The following DRC7 variants were observed in gnomAD, a reference collection of about 807,000 sequenced individuals.
DRC7 encodes dynein regulatory complex subunit 7.
A neutral mutation model predicts 104.4 loss-of-function variants in DRC7; 80 were observed. That is an observed-to-expected ratio of 0.77 (90% CI 0.64 to 0.92). The LOEUF (loss-of-function observed/expected upper bound fraction) is 0.92, where lower values mean the gene tolerates loss of function less well. DRC7 is among the 40% of genes least tolerant of loss of function. DRC7 has a pLI of 0.00. For missense variants in DRC7, 1,034 were observed against 1,141.1 expected (o/e 0.91, Z 1.35); for synonymous variants, 405 against 447.3 (o/e 0.91, Z 1.19).
In DRC7 at chr16:57,731,652, A is replaced by T; in HGVS notation, c.*394A>T. ...AAACAACTGGTTATATCTCAATGTG[A>T]CTAGGGTGGCCCACCTCACCAAGTG... On this transcript the variant is annotated 3_prime_UTR_variant, in exon 19 of 19. Transcript: ENST00000360716. 4.8e-6 allele frequency: 1 copy of T among 207,324 alleles called. No homozygotes were observed. Among genetic ancestry groups the T allele is most frequent in the Non-Finnish European group, 9.8e-6 (1 of 102,480 alleles). 12.8% of individuals were successfully genotyped at this position (207,324 alleles called of 1,614,324 possible).
intron 13 of DRC7, 147 bp downstream of exon 13, chr16:57,724,982 A>G: frequency 1.6e-6 from 1 of 628,942 alleles, no homozygotes; most frequent in Non-Finnish European, 2.8e-6. Flanking sequence ...CATTTTACCA[A>G]ATGTATTAGT....
intron 5 of DRC7, among the ~76,000 whole-genome samples, chr16:57,700,667 A>AT (rs2048648227): frequency 6.6e-6 from 1 of 151,562 alleles, no homozygotes; most frequent in Non-Finnish European, 1.5e-5. Flanking sequence ...AAAAAAAAAA[A>AT]AAAAAAAAAG....
intron 6 of DRC7, among the ~76,000 whole-genome samples, chr16:57,703,860 G>T (rs1483238170): frequency 2.0e-5 from 3 of 151,456 alleles, no homozygotes; most frequent in Admixed American, 2.0e-4. Context: ...CCAGCTACTC[G>T]GGAGGCTGAG....
intron 18 of DRC7, 33 bp downstream of exon 18, chr16:57,731,103 T>C: frequency 6.2e-7 from 1 of 1,613,670 alleles, no homozygotes; most frequent in Non-Finnish European, 8.5e-7. Flanking sequence ...GAGAACCCAC[T>C]GGGAGGCTGG....
chr16:57,698,243 G>A (rs2048618533), intron 3 of DRC7, 91 bp downstream of exon 3: 6 of 1,570,888 alleles, frequency 3.8e-6, no homozygotes, highest in East Asian at 2.2e-5. Context: ...GGTCTGGTAG[G>A]GTGACCAGGA....
chr16:57,728,041 C>T (rs770401309), intron 16 of DRC7, among the ~76,000 whole-genome samples: 1 of 152,190 alleles, frequency 6.6e-6, no homozygotes, highest in African/African-American at 2.4e-5. Context: ...TAACTAACAT[C>T]GTTAATAACC....
chr16:57,729,846 A>G (rs1483629272), intron 17 of DRC7, among the ~76,000 whole-genome samples: 1 of 124,838 alleles, frequency 8.0e-6, no homozygotes, highest in African/African-American at 3.1e-5. Flanking sequence ...GGGTGGATGG[A>G]CGAATGGATG....
At position 57,698,136 on chromosome 16, in the gene DRC7, G is replaced by C. The variant is rs2048617061; in HGVS notation, c.187G>C (p.Val63Leu). The C allele has an allele frequency of 1.2e-6, 2 of 1,614,134 alleles. No individual in the cohort carries two copies. The highest frequency in any genetic ancestry group is 1.7e-6 in the Non-Finnish European group (2 of 1,180,028). ...EKKLSEIQIT[V>L]SAELPAFTKD... ...GAAGCTGTCAGAGATCCAGATCACT[G>C]TCTCAGCGGAGCTCCCGTGAGTGTG... The change falls in exon 3 of 19, where the codon GTC (valine) becomes CTC (leucine). Residue 63 changes from valine (V) to leucine (L), a missense_variant. By Grantham distance (32) the Val-to-Leu change is conservative. Transcript: ENST00000360716.
At position 57,704,890 on chromosome 16, in the gene DRC7, G is replaced by A; in HGVS notation, c.714G>A (p.Glu238=). Residue 238 remains glutamate (E), a synonymous_variant, in exon 7 of 19, where the codon GAG becomes GAA. Transcript: ENST00000360716. The part of the protein sequence containing the change: ...TVKPKETIKK[E]EKVLPKKYTI... ...TTGGGTGACAGACCATCAAGAAGGAGGAAAAGGTGCTGCCTAAGAAGTATA... is the reference window on the plus strand; with the variant it reads ...TTGGGTGACAGACCATCAAGAAGGAAGAAAAGGTGCTGCCTAAGAAGTATA... 6.2e-7 allele frequency: 1 copy of A among 1,613,580 alleles called. No homozygotes were observed. The highest frequency in any genetic ancestry group is 1.1e-5 in the South Asian group (1 of 91,072).
intron 17 of DRC7, among the ~76,000 whole-genome samples, 165 bp downstream of exon 17, chr16:57,728,749 A>C (rs1341738874): frequency 8.0e-6 from 1 of 124,794 alleles, no homozygotes; most frequent in East Asian, 2.8e-4. Context: ...TCCTCCTCAC[A>C]CTTGTTTATC....
At chr16:57,723,368 G>A (rs1203421852) in intron 12 of DRC7, among the ~76,000 whole-genome samples, 3 of 152,166 alleles carry the variant, frequency 2.0e-5, no homozygotes, top group Admixed American at 6.5e-5. Context: ...TAAAGGGGGC[G>A]CCACATACCC....
chr16:57,711,542 A>C (rs1037644087), intron 8 of DRC7, among the ~76,000 whole-genome samples: 1 of 152,274 alleles, frequency 6.6e-6, no homozygotes, highest in Non-Finnish European at 1.5e-5. Context: ...CTTGTGGAGC[A>C]GGGCTACCCC....
intron 16 of DRC7, 52 bp downstream of exon 16, chr16:57,727,461 C>T: frequency 2.9e-6 from 4 of 1,371,292 alleles, no homozygotes; most frequent in Non-Finnish European, 4.2e-6. Context: ...CCCCCCTGGT[C>T]TCCAGGGTGG....
chr16:57,721,831 A>G (rs1196909767), intron 10 of DRC7, 92 bp downstream of exon 10: 12 of 879,704 alleles, frequency 1.4e-5, no homozygotes, highest in Non-Finnish European at 2.0e-5. Flanking sequence ...GGGACACAGC[A>G]GGGAATGCCA....
chr16:57,731,253 G>C lies in DRC7; in HGVS notation c.2620G>C (p.Ala874Pro), dbSNP rs754171887. 6.2e-7 allele frequency: 1 copy of C among 1,612,662 alleles called. No homozygotes were observed. Among genetic ancestry groups the C allele is most frequent in the East Asian group, 2.2e-5 (1 of 44,886 alleles). ...PRLGELQKIF[A>P] ...CCTGGGGGAGCTCCAGAAAATATTC[G>C]CTTGATGTCCCTCCTGGGGCCTCAG... Residue 874 changes from alanine to proline, a missense_variant, in exon 19 of 19, where the codon GCT (alanine) becomes CCT (proline). By Grantham distance (27) the Ala-to-Pro change is conservative. Coordinates refer to ENST00000360716, the MANE Select transcript of DRC7 (RefSeq NM_001289162.2).
chr16:57,703,030 A>C (rs116781761), intron 6 of DRC7, among the ~76,000 whole-genome samples: 2 of 151,638 alleles, frequency 1.3e-5, no homozygotes, highest in Admixed American at 1.3e-4. Context: ...ACTACAGGCG[A>C]GTACCACCAC....
Position 57,730,808 on chromosome 16 carries a change from G to A in DRC7, c.2392-123G>A, listed in dbSNP as rs1335398190. On this transcript the variant is annotated intron_variant, in intron 17 of 18. Coordinates refer to ENST00000360716, the MANE Select transcript of DRC7 (RefSeq NM_001289162.2). ...TGGCAGGTATGGATAGGTGGCTTGT[G>A]TGAGTGGGGACACTGGGGCCAACCG... is the stretch of plus-strand genomic sequence containing the variant. The A allele has an allele frequency of 9.7e-6, 10 of 1,034,764 alleles. No individual in the cohort carries two copies. In the African/African-American group the frequency reaches 1.4e-4, roughly 15 times the overall value. 64.1% of individuals were successfully genotyped at this position (1,034,764 alleles called of 1,614,324 possible).
At chr16:57,728,983 T>C (rs1186057357) in intron 17 of DRC7, among the ~76,000 whole-genome samples, 2 of 149,858 alleles carry the variant, frequency 1.3e-5, no homozygotes, top group East Asian at 4.0e-4. Context: ...GATGGGAGGA[T>C]GAATGGATGG....
intron 6 of DRC7, among the ~76,000 whole-genome samples, chr16:57,702,759 G>A (rs1340663661): frequency 2.6e-5 from 4 of 152,198 alleles, no homozygotes; most frequent in East Asian, 1.9e-4. Context: ...CTGAGATTGC[G>A]CCATTGCACT....
Sources: gnomAD v4.1 joint callset for allele counts (sites outside exome capture counted in the v4.1 genomes callset) on GRCh38, gnomAD v4.1.1 for gene constraint, MANE v1.5 for transcripts, NCBI Gene and HGNC (gene_info 2026-07-23, HGNC 2026-07-21) for gene names.